Variants in USP15 observed in about 807,000 individuals in gnomAD.
USP15 encodes ubiquitin specific peptidase 15.
USP15 carries 18 observed loss-of-function variants against 127.1 expected under a neutral mutation model. The observed-to-expected ratio is 0.14, with a 90% CI of 0.10 to 0.21. The LOEUF is 0.21. Ranked by LOEUF, USP15 falls within the 10% of genes least tolerant of loss-of-function variation. USP15 has a pLI of 1.00. For missense variants in USP15, 805 were observed against 1,159.9 expected (o/e 0.69, Z 4.44); for synonymous variants, 364 against 393.7 (o/e 0.92, Z 0.89).
chr12:62,264,311 G>A (rs2137024943), intron 1 of USP15, among the ~76,000 whole-genome samples: 2 of 152,250 alleles, frequency 1.3e-5, no homozygotes, highest in South Asian at 4.2e-4. Context: ...AAAGAAATGG[G>A]CCTATTATGA....
rs2064304022 is a variant in USP15, at chr12:62,301,095, A to G, written c.218-1695A>G. ...GAACACATAATTCACCAAAGAAGATATAGGTTTCAAAAAGCACGTGCAAAA... is the reference window on the plus strand; with the variant it reads ...GAACACATAATTCACCAAAGAAGATGTAGGTTTCAAAAAGCACGTGCAAAA... On this transcript the variant is annotated intron_variant, in intron 2 of 21. Coordinates refer to ENST00000280377, the MANE Select transcript of USP15 (RefSeq NM_001252078.2). Among the ~76,000 whole-genome samples, 6 of 152,174 alleles carry G rather than the reference A, an allele frequency of 3.9e-5. No homozygotes were observed. In the South Asian group the frequency reaches 1.2e-3, roughly 31 times the overall value.
intron 9 of USP15, among the ~76,000 whole-genome samples, chr12:62,383,143 A>G (rs116675885): frequency 0.022 from 3,389 of 151,932 alleles, 130 homozygotes; most frequent in African/African-American, 0.077. Context: ...CGTGTATACA[A>G]TTTTTATTAT....
In USP15 at chr12:62,389,716, T is replaced by C. The variant is rs200011205; in HGVS notation, c.1652+17T>C. Reference sequence around the variant, plus strand: ...TATTTATGTGTAAGTATAAAACTCATTGTGCAAAATATTACTTGAAAAAAA... The same window carrying C: ...TATTTATGTGTAAGTATAAAACTCACTGTGCAAAATATTACTTGAAAAAAA... On this transcript the variant is annotated intron_variant, in intron 13 of 21. Coordinates refer to ENST00000280377, the MANE Select transcript of USP15 (RefSeq NM_001252078.2). The C allele has an allele frequency of 1.9e-6, 3 of 1,601,720 alleles. No individual in the cohort carries two copies. The highest frequency in any genetic ancestry group is 1.3e-5 in the African/African-American group (1 of 74,400).
intron 8 of USP15, among the ~76,000 whole-genome samples, chr12:62,365,829 T>C (rs1228916892): frequency 6.6e-6 from 1 of 152,216 alleles, no homozygotes; most frequent in Non-Finnish European, 1.5e-5. Context: ...CCGTTGCTTG[T>C]TTGTGTCAGG....
chr12:62,370,723 C>T (rs555340362), intron 8 of USP15, among the ~76,000 whole-genome samples: 93 of 152,276 alleles, frequency 6.1e-4, no homozygotes, highest in African/African-American at 2.2e-3. Context: ...TGACATCCAT[C>T]TATATACTAA....
rs1280941940 is a variant in USP15, at chr12:62,405,988, T to G, written c.*1613T>G. 1 of 151,896 alleles carries G rather than the reference T, an allele frequency of 6.6e-6. No homozygotes were observed. The allele number at this position is 151,896 out of a possible 1,614,324, so 9.4% of individuals were successfully genotyped here. A position where few individuals can be genotyped will look rare whatever the true frequency, so the allele number is the denominator to read the frequency against. The stretch of plus-strand genomic sequence containing the variant: ...CTTTGGGGTTTTTTTTTTCTTTTTT[T>G]TTTTTTTAATGTAAACTAACCTCCT... On this transcript the variant is annotated 3_prime_UTR_variant, in exon 22 of 22. Coordinates refer to ENST00000280377, the MANE Select transcript of USP15 (RefSeq NM_001252078.2).
At position 62,392,287 on chromosome 12, in the gene USP15, G is replaced by A. The variant is rs540997718; in HGVS notation, c.2320G>A (p.Glu774Lys). 1 of 1,595,406 alleles carries A rather than the reference G, an allele frequency of 6.3e-7. No homozygotes were observed. The highest frequency in any genetic ancestry group is 8.5e-7 in the Non-Finnish European group (1 of 1,173,978). The change falls in exon 18 of 22, where the codon GAA becomes AAA. Residue 774 changes from glutamate (E) to lysine (K), a missense_variant. Glu to Lys is a moderately conservative substitution (Grantham distance 56). Around this residue, in one of 11 missense-constraint regions of USP15, gnomAD observed 225 missense variants for 239.5 expected, o/e 0.94. Transcript: ENST00000280377. ...TTCTCTTTAGGACTTTGAAAAACAT[G>A]AAAGTGTGGAGTATAAACCTCCTAA... ...ENAAEDFEKH[E>K]SVEYKPPKKP...
intron 5 of USP15, among the ~76,000 whole-genome samples, chr12:62,322,080 A>C (rs1342775334): frequency 6.6e-6 from 1 of 152,098 alleles, no homozygotes; most frequent in African/African-American, 2.4e-5. Flanking sequence ...GGCTAAGTGA[A>C]CTCTAGTTTG....
At chr12:62,287,672 T>G (rs546554441) in intron 1 of USP15, among the ~76,000 whole-genome samples, 2 of 152,060 alleles carry the variant, frequency 1.3e-5, no homozygotes, top group African/African-American at 4.8e-5. Context: ...TTTTCCTAGG[T>G]TTTTTTTAGG....
intron 6 of USP15, among the ~76,000 whole-genome samples, chr12:62,348,845 T>C (rs11836392): frequency 0.26 from 40,111 of 152,024 alleles, 6,601 homozygotes; most frequent in East Asian, 0.44. Flanking sequence ...ATAATTAGAA[T>C]GCCATGGTGT....
At chr12:62,360,688 A>G (rs1189908953) in intron 8 of USP15, among the ~76,000 whole-genome samples, 1 of 152,080 alleles carries the variant, frequency 6.6e-6, no homozygotes. Context: ...TCATCGTAAA[A>G]GGAAAAACCT....
At chr12:62,286,108 A>G (rs773913966) in intron 1 of USP15, among the ~76,000 whole-genome samples, 8 of 152,174 alleles carry the variant, frequency 5.3e-5, no homozygotes, top group African/African-American at 1.2e-4. Flanking sequence ...TAAACAGACA[A>G]TCTACAAAAT....
At chr12:62,388,579 C>T (rs1051799843) in intron 11 of USP15, among the ~76,000 whole-genome samples, 1 of 152,182 alleles carries the variant, frequency 6.6e-6, no homozygotes, top group African/African-American at 2.4e-5. Context: ...TTGGGAAATT[C>T]TCTTCAGCAC....
chr12:62,371,627 A>G (rs2066672169), intron 8 of USP15, among the ~76,000 whole-genome samples: 1 of 152,144 alleles, frequency 6.6e-6, no homozygotes. Flanking sequence ...TTTTTATTAT[A>G]TCTTACACAA....
intron 11 of USP15, 114 bp downstream of exon 11, chr12:62,384,416 G>A: frequency 1.3e-6 from 1 of 792,816 alleles, no homozygotes; most frequent in Non-Finnish European, 1.9e-6. Context: ...GAATTATCAA[G>A]CCCAATCAAT....
chr12:62,330,796 T>C (rs2065271462), intron 6 of USP15, among the ~76,000 whole-genome samples: 1 of 150,550 alleles, frequency 6.6e-6, no homozygotes, highest in Non-Finnish European at 1.5e-5. Flanking sequence ...TATGGTGGCA[T>C]GCACCTGTAG....
rs1047983968 is a variant in USP15, at chr12:62,409,408, C to G, written c.*5033C>G. On this transcript the variant is annotated 3_prime_UTR_variant, in exon 22 of 22. Transcript: ENST00000280377. ...TAGCAAATGTGATTTTACAAAGCAG[C>G]TAAAAATACAACTATCTCTCTGGAA... 2.0e-5 allele frequency: 3 copies of G among 151,888 alleles called. No individual in the cohort carries two copies. Among genetic ancestry groups the G allele is most frequent in the Non-Finnish European group, 4.4e-5 (3 of 67,960 alleles). 9.4% of individuals were successfully genotyped at this position (151,888 alleles called of 1,614,324 possible).
chr12:62,262,615 TA>T (rs11302543), intron 1 of USP15, among the ~76,000 whole-genome samples: 33,757 of 152,136 alleles, frequency 0.22, 4,045 homozygotes, highest in African/African-American at 0.33. Context: ...CAAATAAGTA[TA>T]TTTTTGCTTT....
At chr12:62,288,137 G>T (rs1344166428) in intron 1 of USP15, among the ~76,000 whole-genome samples, 1 of 152,026 alleles carries the variant, frequency 6.6e-6, no homozygotes. Flanking sequence ...CATGATGTTG[G>T]TATTTTGATA....
Sources: gnomAD v4.1 joint callset for allele counts (sites outside exome capture counted in the v4.1 genomes callset) on GRCh38, gnomAD v4.1.1 for gene constraint, gnomAD v4.1.1 regional missense constraint, MANE v1.5 for transcripts, NCBI Gene and HGNC (gene_info 2026-07-23, HGNC 2026-07-21) for gene names.